Variants in SPRED1 observed in about 807,000 individuals in gnomAD.
The protein encoded by SPRED1 is sprouty related EVH1 domain containing 1, also known as sprouty-related, EVH1 domain-containing protein 1.
Under a neutral mutation model 52.3 loss-of-function variants are expected in SPRED1, and 18 were observed. The ratio of observed to expected loss-of-function variants is 0.34; its 90% CI spans 0.24 to 0.51. SPRED1 has a LOEUF of 0.51. Among genes scored for constraint, SPRED1 ranks in the 20% least tolerant of loss-of-function variants. SPRED1 has a pLI of 0.97. For synonymous variants in SPRED1, 155 were observed against 179.7 expected, an observed-to-expected ratio of 0.86 and a Z score of 1.10; for missense variants, 485 against 551.0, an observed-to-expected ratio of 0.88 and a Z score of 1.20.
intron 2 of SPRED1, among the ~76,000 whole-genome samples, chr15:38,310,831 A>T (rs1895352428): frequency 6.6e-6 from 1 of 152,176 alleles, no homozygotes; most frequent in South Asian, 2.1e-4. Flanking sequence ...CCTGTTACAT[A>T]GACATATTTA....
At chr15:38,316,748 G>GT (rs1555390721) in intron 2 of SPRED1, among the ~76,000 whole-genome samples, 812 of 41,826 alleles carry the variant, frequency 0.019, 44 homozygotes, top group African/African-American at 0.071. Context: ...TCCATTATAT[G>GT]TTTTTTTTTT....
In SPRED1 at chr15:38,312,281, C is replaced by T. The variant is rs186226710; in HGVS notation, c.208-9960C>T. On this transcript the variant is annotated intron_variant, in intron 2 of 6. Coordinates refer to ENST00000299084, the MANE Select transcript of SPRED1 (RefSeq NM_152594.3). ...TTTCATCAACATTATATGAGCCCAT[C>T]TCCAAATTATAGAAATCCAGTGAGA... is the stretch of plus-strand genomic sequence containing the variant. 3.9e-5 allele frequency among the ~76,000 whole-genome samples: 6 copies of T among 152,176 alleles called. No individual in the cohort carries two copies. In the East Asian group the frequency reaches 1.2e-3, roughly 29 times the overall value.
rs191384547 is a variant in SPRED1, at chr15:38,302,204, T to C, written c.207+2657T>C. ...CCACTCGTGTGGCTAATAAATACAA[T>C]ATTTTAATGAGTGTTTGTAAGTCAG... On this transcript the variant is annotated intron_variant, in intron 2 of 6. Coordinates refer to ENST00000299084, the MANE Select transcript of SPRED1 (RefSeq NM_152594.3). Among the ~76,000 whole-genome samples, 8 of 152,260 alleles carry C rather than the reference T, an allele frequency of 5.3e-5. No homozygotes were observed. In the East Asian group the frequency reaches 1.4e-3, roughly 26 times the overall value.
At chr15:38,285,215 A>G (rs1298745419) in intron 1 of SPRED1, among the ~76,000 whole-genome samples, 2 of 152,210 alleles carry the variant, frequency 1.3e-5, no homozygotes, top group Non-Finnish European at 2.9e-5. Flanking sequence ...AGATATTTTC[A>G]GTGCGTATTT....
chr15:38,353,535 G>A lies in SPRED1; in HGVS notation c.*1871G>A, dbSNP rs1353815702. The stretch of plus-strand genomic sequence containing the variant: ...ACTAAATCCAAAACATGACACTGTA[G>A]GCAGCAGTTTTAAGTCTTATTTTTA... On this transcript the variant is annotated 3_prime_UTR_variant, in exon 7 of 7. Transcript: ENST00000299084. The A allele has an allele frequency of 6.6e-6, 1 of 152,454 alleles. No homozygotes were observed. Among genetic ancestry groups the A allele is most frequent in the Non-Finnish European group, 1.5e-5 (1 of 67,922 alleles). The allele number at this position is 152,454 out of a possible 1,614,324, so 9.4% of individuals were successfully genotyped here. A position where few individuals can be genotyped will look rare whatever the true frequency, so the allele number is the denominator to read the frequency against.
chr15:38,341,192 A>T (rs1180371749), intron 5 of SPRED1, among the ~76,000 whole-genome samples: 2 of 151,984 alleles, frequency 1.3e-5, no homozygotes, highest in African/African-American at 4.8e-5. Context: ...TACTGAAAAT[A>T]AGTGCCTTCT....
At chr15:38,324,044 A>G (rs1463296022) in intron 3 of SPRED1, among the ~76,000 whole-genome samples, 1 of 152,156 alleles carries the variant, frequency 6.6e-6, no homozygotes, top group Non-Finnish European at 1.5e-5. Context: ...TAGACTTTCA[A>G]CAATCTCAAA....
intron 5 of SPRED1, among the ~76,000 whole-genome samples, chr15:38,343,131 G>A (rs1411372439): frequency 2.0e-5 from 3 of 152,016 alleles, no homozygotes; most frequent in African/African-American, 7.2e-5. Flanking sequence ...AATATTTTAC[G>A]ACATAAATGC....
At chr15:38,347,749 A>G (rs1896172609) in intron 5 of SPRED1, among the ~76,000 whole-genome samples, 1 of 152,026 alleles carries the variant, frequency 6.6e-6, no homozygotes, top group East Asian at 1.9e-4. Flanking sequence ...TTCTATTATA[A>G]ATGGAATCCT....
Position 38,312,677 on chromosome 15 carries a change from C to T in SPRED1, c.208-9564C>T, listed in dbSNP as rs1055605228. Among the ~76,000 whole-genome samples, 3 of 152,046 alleles carry T rather than the reference C, an allele frequency of 2.0e-5. No homozygotes were observed. In the East Asian group the frequency reaches 5.8e-4, roughly 29 times the overall value. ...AGTCATTCACTTTCGTTAATAGTTA[C>T]AGGTCTCTAATGGTTTTCTATTTTA... On this transcript the variant is annotated intron_variant, in intron 2 of 6. Coordinates refer to ENST00000299084, the MANE Select transcript of SPRED1 (RefSeq NM_152594.3).
intron 2 of SPRED1, among the ~76,000 whole-genome samples, chr15:38,304,518 A>G (rs1048795599): frequency 2.4e-4 from 37 of 152,210 alleles, no homozygotes; most frequent in African/African-American, 8.4e-4. Flanking sequence ...TTATTAGTCT[A>G]TCACCCACAT....
intron 1 of SPRED1, among the ~76,000 whole-genome samples, chr15:38,275,687 G>A (rs1388267482): frequency 6.6e-6 from 1 of 152,058 alleles, no homozygotes; most frequent in Non-Finnish European, 1.5e-5. Flanking sequence ...CAGTAGCGAC[G>A]GGGTTTCACC....
At chr15:38,278,812 A>G (rs7161780) in intron 1 of SPRED1, among the ~76,000 whole-genome samples, 117,738 of 143,308 alleles carry the variant, frequency 0.82, 49,259 homozygotes, top group Non-Finnish European at 0.9. Flanking sequence ...CACAACCATT[A>G]TAACCTAACT....
chr15:38,283,302 C>T (rs1894734508), intron 1 of SPRED1, among the ~76,000 whole-genome samples: 1 of 152,264 alleles, frequency 6.6e-6, no homozygotes, highest in South Asian at 2.1e-4. Flanking sequence ...AAACCACCCC[C>T]ATCATCCAGT....
At chr15:38,306,747 ATT>A (rs919032107) in intron 2 of SPRED1, among the ~76,000 whole-genome samples, 2 of 152,162 alleles carry the variant, frequency 1.3e-5, no homozygotes, top group Non-Finnish European at 2.9e-5. Flanking sequence ...GTCCCAAATT[ATT>A]ATACCTTCCT....
At chr15:38,316,629 C>T (rs1209158579) in intron 2 of SPRED1, among the ~76,000 whole-genome samples, 2 of 151,804 alleles carry the variant, frequency 1.3e-5, no homozygotes, top group African/African-American at 2.4e-5. Context: ...TTATATTGTA[C>T]TCCAACCTGG....
chr15:38,348,915 C>T (rs1213622897), intron 5 of SPRED1, among the ~76,000 whole-genome samples: 9 of 151,962 alleles, frequency 5.9e-5, no homozygotes. Flanking sequence ...ATTCACCTAC[C>T]ACAAAATCAT....
intron 2 of SPRED1, among the ~76,000 whole-genome samples, chr15:38,305,355 C>CTTTT (rs112141797): frequency 2.9e-5 from 4 of 136,284 alleles, no homozygotes; most frequent in South Asian, 4.7e-4. Flanking sequence ...AAAAAAAAAA[C>CTTTT]TTTTTTTTTT....
intron 2 of SPRED1, among the ~76,000 whole-genome samples, chr15:38,320,981 A>G (rs993304861): frequency 2.6e-5 from 4 of 152,208 alleles, no homozygotes; most frequent in African/African-American, 9.6e-5. Context: ...TGTTATTAGT[A>G]TAGTAGGCAA....
Sources: allele counts gnomAD v4.1 joint callset (sites outside exome capture counted in the v4.1 genomes callset), GRCh38; gene constraint gnomAD v4.1.1; transcripts MANE v1.5; gene names NCBI Gene and HGNC (gene_info 2026-07-23, HGNC 2026-07-21).